MACROD2: variants seen among roughly 807,000 people sequenced by gnomAD.
MACROD2 encodes the protein mono-ADP ribosylhydrolase 2.
Under a neutral mutation model 70.4 loss-of-function variants are expected in MACROD2, and 36 were observed. That is an observed-to-expected ratio of 0.51 (90% CI 0.39 to 0.68). The LOEUF (loss-of-function observed/expected upper bound fraction) is 0.68. MACROD2 is among the 30% of genes least tolerant of loss of function. The pLI is 0.00. For missense variants in MACROD2, 496 were observed against 538.4 expected (o/e 0.92, Z 0.78); for synonymous variants, 172 against 178.8 (o/e 0.96, Z 0.30).
intron 8 of MACROD2, among the ~76,000 whole-genome samples, chr20:15,790,621 T>A (rs2063615594): frequency 6.6e-6 from 1 of 151,870 alleles, no homozygotes; most frequent in Admixed American, 6.6e-5. Flanking sequence ...CTCTAGATGG[T>A]AGAAAAACCA....
chr20:15,130,470 C>T (rs112370434), intron 5 of MACROD2, among the ~76,000 whole-genome samples: 6 of 152,008 alleles, frequency 3.9e-5, no homozygotes, highest in African/African-American at 1.4e-4. Flanking sequence ...CTACTCTCAT[C>T]CCAACTGTGG....
intron 5 of MACROD2, among the ~76,000 whole-genome samples, chr20:14,916,581 A>G (rs559171140): frequency 1.2e-4 from 18 of 152,306 alleles, no homozygotes; most frequent in African/African-American, 4.1e-4. Flanking sequence ...TATATCTGCA[A>G]TGTTGAAATG....
At chr20:14,509,275 A>G (rs17812707) in intron 4 of MACROD2, among the ~76,000 whole-genome samples, 23,132 of 151,922 alleles carry the variant, frequency 0.15, 2,518 homozygotes, top group Non-Finnish European at 0.22. Flanking sequence ...TACATTTACA[A>G]TTTTTTAATT....
chr20:14,602,324 A>G (rs920953161), intron 4 of MACROD2, among the ~76,000 whole-genome samples: 1 of 152,140 alleles, frequency 6.6e-6, no homozygotes, highest in Non-Finnish European at 1.5e-5. Flanking sequence ...TCTGAGCCAC[A>G]TTGATTTATT....
At chr20:15,438,186 G>T (rs1053951103) in intron 7 of MACROD2, among the ~76,000 whole-genome samples, 1 of 152,010 alleles carries the variant, frequency 6.6e-6, no homozygotes, top group African/African-American at 2.4e-5. Context: ...ATTCCTCTGG[G>T]TATATAACTA....
intron 17 of MACROD2, 105 bp from the exon 18 acceptor site, chr20:16,049,725 G>T: frequency 8.9e-7 from 1 of 1,129,302 alleles, no homozygotes. Context: ...GGGCCTATGT[G>T]AGGGGTGAGA....
At chr20:15,675,601 C>A (rs2050046377) in intron 8 of MACROD2, among the ~76,000 whole-genome samples, 1 of 152,002 alleles carries the variant, frequency 6.6e-6, no homozygotes, top group Non-Finnish European at 1.5e-5. Context: ...GGAGGAATTA[C>A]CATATCAGCT....
chr20:13,999,571 C>T (rs1034733413), intron 1 of MACROD2, among the ~76,000 whole-genome samples: 1 of 152,128 alleles, frequency 6.6e-6, no homozygotes, highest in Non-Finnish European at 1.5e-5. Flanking sequence ...TACCAGTTGC[C>T]TGGGTTTGAG....
At chr20:15,317,523 A>ATCTATCTGTCTG (rs142419875) in intron 6 of MACROD2, among the ~76,000 whole-genome samples, 4,737 of 149,250 alleles carry the variant, frequency 0.032, 250 homozygotes, top group African/African-American at 0.11. Flanking sequence ...CTATCTATCT[A>ATCTATCTGTCTG]TCTGTCTATC....
At chr20:14,010,159 T>G (rs1372165446) in intron 2 of MACROD2, among the ~76,000 whole-genome samples, 1 of 152,186 alleles carries the variant, frequency 6.6e-6, no homozygotes, top group Non-Finnish European at 1.5e-5. Flanking sequence ...AAAAATTTGG[T>G]CATTTAGAAA....
chr20:15,139,311 C>G (rs1282639976), intron 5 of MACROD2, among the ~76,000 whole-genome samples: 1 of 151,968 alleles, frequency 6.6e-6, no homozygotes, highest in Admixed American at 6.6e-5. Flanking sequence ...TGTTTTGCAC[C>G]AGCATTGTTT....
At chr20:15,151,456 T>C (rs1376349939) in intron 5 of MACROD2, among the ~76,000 whole-genome samples, 1 of 152,130 alleles carries the variant, frequency 6.6e-6, no homozygotes, top group Non-Finnish European at 1.5e-5. Flanking sequence ...TACTCTATTA[T>C]TGTACACCTT....
intron 15 of MACROD2, among the ~76,000 whole-genome samples, chr20:16,021,931 G>A (rs1395756417): frequency 6.6e-6 from 1 of 152,028 alleles, no homozygotes; most frequent in African/African-American, 2.4e-5. Context: ...ATAAATGAAT[G>A]AATGAATGAA....
rs191421186 is a variant in MACROD2 at position 16,014,703 on chromosome 20, A to G, written c.1154-26498A>G. Among the ~76,000 whole-genome samples, 89 of 152,286 alleles carry G rather than the reference A, an allele frequency of 5.8e-4. 1 individual carries two copies. The highest frequency in any genetic ancestry group is 1.9e-3 in the African/African-American group (81 of 41,564). On this transcript the variant is annotated intron_variant, in intron 15 of 17. Coordinates refer to ENST00000684519, the MANE Select transcript of MACROD2 (RefSeq NM_001351661.2). ...AGCCTAAGCATCTGCTGTGGTTTCA[A>G]TACACCTGACCTTCCTTCCATGCAT...
chr20:15,223,507 C>T (rs528688938), intron 5 of MACROD2, among the ~76,000 whole-genome samples: 3 of 152,176 alleles, frequency 2.0e-5, no homozygotes, highest in Non-Finnish European at 4.4e-5. Flanking sequence ...CTAGGGGCTA[C>T]AATTACATTC....
chr20:14,735,913 C>G (rs6034022), intron 5 of MACROD2, among the ~76,000 whole-genome samples: 1,658 of 152,080 alleles, frequency 0.011, 27 homozygotes, highest in African/African-American at 0.038. Context: ...GGAAAAGTTT[C>G]GTGATTCTTC....
chr20:15,797,390 C>T (rs1347904577), intron 8 of MACROD2, among the ~76,000 whole-genome samples: 1 of 152,190 alleles, frequency 6.6e-6, no homozygotes, highest in African/African-American at 2.4e-5. Context: ...GCTGGGATTA[C>T]AGGCGTGAGC....
At chr20:15,598,683 C>T (rs1480044780) in intron 8 of MACROD2, among the ~76,000 whole-genome samples, 1 of 152,174 alleles carries the variant, frequency 6.6e-6, no homozygotes, top group Non-Finnish European at 1.5e-5. Context: ...AAGTGGGTGC[C>T]CTTCCTATTG....
chr20:15,006,379 G>T (rs1226299521), intron 5 of MACROD2, among the ~76,000 whole-genome samples: 1 of 151,716 alleles, frequency 6.6e-6, no homozygotes, highest in Admixed American at 6.6e-5. Context: ...TTGGTCAAAG[G>T]GTACAAACTT....
Sources: allele counts gnomAD v4.1 joint callset (sites outside exome capture counted in the v4.1 genomes callset), GRCh38; gene constraint gnomAD v4.1.1; transcripts MANE v1.5; gene names NCBI Gene and HGNC (gene_info 2026-07-23, HGNC 2026-07-21).